The following HGSNAT variants were observed in gnomAD, a reference collection of about 807,000 sequenced individuals.
HGSNAT encodes heparan-alpha-glucosaminide N-acetyltransferase, also known as transmembrane protein 76.
A neutral mutation model predicts 85.2 loss-of-function variants in HGSNAT; 59 were observed. The ratio of observed to expected loss-of-function variants is 0.69; its 90% CI spans 0.56 to 0.86. HGSNAT has a LOEUF of 0.86. Among genes scored for constraint, HGSNAT ranks in the 40% least tolerant of loss-of-function variants. The pLI is 0.00. For missense variants in HGSNAT, 756 were observed against 777.1 expected (o/e 0.97, Z 0.32); for synonymous variants, 321 against 304.5 (o/e 1.05, Z -0.56).
At chr8:43,161,168 G>T (rs957276250) in intron 4 of HGSNAT, among the ~76,000 whole-genome samples, 1 of 152,164 alleles carries the variant, frequency 6.6e-6, no homozygotes, top group African/African-American at 2.4e-5. Context: ...AGTTATAGAT[G>T]AAGCAACAGG....
At position 43,140,606 on chromosome 8, in the gene HGSNAT, C is replaced by A. The variant is rs1465935790; in HGVS notation, c.110C>A (p.Pro37Gln). 1 of 1,234,998 alleles carries A rather than the reference C, an allele frequency of 8.1e-7. No individual in the cohort carries two copies. Among genetic ancestry groups the A allele is most frequent in the Non-Finnish European group, 1.0e-6 (1 of 980,730 alleles). The allele number at this position is 1,234,998 out of a possible 1,614,324, so 76.5% of individuals were successfully genotyped here. ...GSSGRDAQAA[P>Q]PRDLDKKRHA... ...TCGGGGCGCGATGCCCAGGCCGCGC[C>A]GCCACGAGGTGAGTGCACACCTCCT... The change falls in exon 1 of 18, where the codon CCG becomes CAG. Residue 37 changes from proline to glutamine, a missense_variant. By Grantham distance (76) the Pro-to-Gln change is moderately conservative. Transcript: ENST00000379644.
At chr8:43,173,591 A>G (rs1803705725) in intron 8 of HGSNAT, 122 bp from the exon 9 acceptor site, 4 of 1,045,058 alleles carry the variant, frequency 3.8e-6, no homozygotes, top group South Asian at 1.4e-5. Context: ...GATTACGGGC[A>G]TGAGTCACTG....
At chr8:43,155,043 G>T (rs1803048897) in intron 2 of HGSNAT, among the ~76,000 whole-genome samples, 1 of 152,072 alleles carries the variant, frequency 6.6e-6, no homozygotes, top group African/African-American at 2.4e-5. Context: ...GGGGTTGTTT[G>T]TTTTTTTCTT....
chr8:43,201,881 C>CG lies in HGSNAT; in HGVS notation c.*2316dup, dbSNP rs1007960784. The CG allele has an allele frequency of 7.2e-5, 11 of 152,130 alleles. No individual in the cohort carries two copies. The highest frequency in any genetic ancestry group is 1.6e-4 in the Non-Finnish European group (11 of 68,028). 9.4% of individuals were successfully genotyped at this position (152,130 alleles called of 1,614,324 possible). ...AGTGCTGGTAAGATGAGCATGTATC[C>CG]GGGGTGCCCATGAAATGTTCTTGGG... On this transcript the variant is annotated 3_prime_UTR_variant, in exon 18 of 18. Coordinates refer to ENST00000379644, the MANE Select transcript of HGSNAT (RefSeq NM_152419.3). The surrounding 1 kb of genome is among the most constrained non-coding windows in gnomAD (Gnocchi z 4.4).
intron 5 of HGSNAT, among the ~76,000 whole-genome samples, chr8:43,164,925 T>G (rs1399728286): frequency 6.6e-6 from 1 of 151,836 alleles, no homozygotes; most frequent in East Asian, 1.9e-4. Flanking sequence ...GGGAGGGAGA[T>G]GGAGGAACAG....
chr8:43,178,818 C>A (rs1341781855), intron 10 of HGSNAT, among the ~76,000 whole-genome samples: 2 of 145,884 alleles, frequency 1.4e-5, no homozygotes, highest in South Asian at 2.1e-4. Context: ...TGACTCTTAA[C>A]GAGCATGCTG....
chr8:43,199,772 T>A lies in HGSNAT; in HGVS notation c.*203T>A, dbSNP rs1195298277. On this transcript the variant is annotated 3_prime_UTR_variant, in exon 18 of 18. Transcript: ENST00000379644. ...TGCCTGTCTATTTGTGACTTACAGA[T>A]TTGAAATGTAATTGTCTTTTTTCCT... The A allele has an allele frequency of 7.6e-6, 3 of 392,612 alleles. No individual in the cohort carries two copies. The highest frequency in any genetic ancestry group is 9.0e-6 in the Non-Finnish European group (2 of 223,198). 24.3% of individuals were successfully genotyped at this position (392,612 alleles called of 1,614,324 possible). A position where few individuals can be genotyped will look rare whatever the true frequency, so the allele number is the denominator to read the frequency against.
rs1440240544 is a variant in HGSNAT at position 43,169,107 on chromosome 8, A to G, written c.564-66A>G. On this transcript the variant is annotated intron_variant, in intron 5 of 17. Transcript: ENST00000379644. ...TGAGCTTTAATTTTATTTCCATATA[A>G]TATCCAATCATTTAAAAAATTCTGC... 43 of 833,438 alleles carry G rather than the reference A, an allele frequency of 5.2e-5. 1 individual carries two copies. The Admixed American group carries it at 1.2e-3, about 24-fold the overall frequency. 51.6% of individuals were successfully genotyped at this position (833,438 alleles called of 1,614,324 possible). A position where few individuals can be genotyped will look rare whatever the true frequency, so the allele number is the denominator to read the frequency against.
At chr8:43,175,335 CCCA>C (rs1172820674) in intron 9 of HGSNAT, among the ~76,000 whole-genome samples, 4 of 152,120 alleles carry the variant, frequency 2.6e-5, no homozygotes, top group African/African-American at 9.7e-5. Context: ...AATTTACATT[CCCA>C]CCAACAGTGT....
intron 14 of HGSNAT, chr8:43,195,987 A>G (rs1296592330): frequency 6.1e-6 from 1 of 163,646 alleles, no homozygotes; most frequent in African/African-American, 2.4e-5. Flanking sequence ...GCTTTTCCAT[A>G]TATTCCGTAT....
intron 11 of HGSNAT, among the ~76,000 whole-genome samples, chr8:43,188,667 C>G (rs1804411285): frequency 6.6e-6 from 1 of 152,182 alleles, no homozygotes; most frequent in African/African-American, 2.4e-5. Context: ...AGTCATTCTC[C>G]AACCAGGTTT....
rs71231898 is a variant in HGSNAT, at chr8:43,174,997, A to AACATGTGAAGTTTGTCTTT, written c.851+1259_851+1260insTGAAGTTTGTCTTTACATG. On this transcript the variant is annotated intron_variant, in intron 9 of 17. Transcript: ENST00000379644. Reference sequence around the variant, plus strand: ...AATTTTTAGCTCCACAAATAATTGGAACATGGCTTATTTCACTTAACATAA... The same window carrying AACATGTGAAGTTTGTCTTT: ...AATTTTTAGCTCCACAAATAATTGGAACATGTGAAGTTTGTCTTTACATGGCTTATTTCACTTAACATAA... Among the ~76,000 whole-genome samples the AACATGTGAAGTTTGTCTTT allele has an allele frequency of 5.9e-5, 9 of 152,076 alleles. No individual in the cohort carries two copies. The South Asian group carries it at 1.7e-3, about 28-fold the overall frequency.
intron 7 of HGSNAT, among the ~76,000 whole-genome samples, chr8:43,170,982 T>A (rs933179730): frequency 8.5e-5 from 13 of 152,126 alleles, no homozygotes; most frequent in South Asian, 4.2e-4. Flanking sequence ...AAGTCGCTGT[T>A]ACTTGGGGCT....
intron 2 of HGSNAT, among the ~76,000 whole-genome samples, chr8:43,150,875 A>G (rs1010818864): frequency 3.2e-4 from 49 of 151,388 alleles, no homozygotes; most frequent in African/African-American, 1.2e-3. Context: ...ATAAAATAAA[A>G]TTGCTTTTGG....
At chr8:43,150,105 C>T (rs1007544639) in intron 2 of HGSNAT, among the ~76,000 whole-genome samples, 5 of 151,864 alleles carry the variant, frequency 3.3e-5, no homozygotes, top group African/African-American at 7.3e-5. Flanking sequence ...TACAGGCGCC[C>T]GCCACCGCAC....
Position 43,197,913 on chromosome 8 carries a change from G to C in HGSNAT, c.1687G>C (p.Val563Leu). 1.2e-6 allele frequency: 2 copies of C among 1,613,974 alleles called. No homozygotes were observed. Among genetic ancestry groups the C allele is most frequent in the South Asian group, 2.2e-5 (2 of 91,074 alleles). ...ILLVLYPVVD[V>L]KGLWTGTPFF... ...GCTGGTCCTGTACCCAGTTGTGGAT[G>C]TGAAGGGGCTGTGGACAGGAACCCC... The change falls in exon 17 of 18, where the codon GTG (valine) becomes CTG (leucine). Residue 563 changes from valine (V) to leucine (L), a missense_variant. Physicochemically the swap from Val to Leu is conservative, Grantham distance 32 (BLOSUM62 1). Transcript: ENST00000379644.
At chr8:43,185,712 T>C (rs1411378745) in intron 11 of HGSNAT, among the ~76,000 whole-genome samples, 2 of 152,228 alleles carry the variant, frequency 1.3e-5, no homozygotes, top group Non-Finnish European at 2.9e-5. Flanking sequence ...CCCTGTCTTG[T>C]GCCAGTTTTC....
At chr8:43,170,779 G>T in intron 7 of HGSNAT, 85 bp downstream of exon 7, 2 of 807,548 alleles carry the variant, frequency 2.5e-6, no homozygotes, top group South Asian at 1.9e-5. Context: ...AGCTTTTAAG[G>T]ACTTTTACAT....
intron 1 of HGSNAT, among the ~76,000 whole-genome samples, chr8:43,144,389 G>A (rs970164634): frequency 6.6e-6 from 1 of 151,944 alleles, no homozygotes; most frequent in African/African-American, 2.4e-5. Flanking sequence ...GTTGGTCTCT[G>A]CATTGGTTGG....
Sources: allele counts gnomAD v4.1 joint callset (sites outside exome capture counted in the v4.1 genomes callset), GRCh38; gene constraint gnomAD v4.1.1; non-coding constraint Gnocchi (gnomAD v3.1); transcripts MANE v1.5; gene names NCBI Gene and HGNC (gene_info 2026-07-23, HGNC 2026-07-21).